Variants in RBM33 observed in about 807,000 individuals in gnomAD.
RBM33 encodes RNA-binding protein 33.
In RBM33, 28 loss-of-function variants were observed where a neutral mutation model predicts 132.6. The ratio of observed to expected loss-of-function variants is 0.21; its 90% CI spans 0.16 to 0.29. The LOEUF (loss-of-function observed/expected upper bound fraction) is 0.29, where lower values mean the gene tolerates loss of function less well. RBM33 is among the 10% of genes least tolerant of loss of function. RBM33 has a pLI of 1.00. For missense variants in RBM33, 1,291 were observed against 1,518.5 expected, an observed-to-expected ratio of 0.85 and a Z score of 2.49; for synonymous variants, 634 against 593.0, an observed-to-expected ratio of 1.07 and a Z score of -1.01.
chr7:155,706,789 C>T (rs1435829609), intron 6 of RBM33, 71 bp from the exon 7 acceptor site: 14 of 1,254,124 alleles, frequency 1.1e-5, no homozygotes, highest in Non-Finnish European at 1.6e-5. Flanking sequence ...ATCATTCTTT[C>T]CTGTTCTCTC....
At chr7:155,749,712 G>A (rs1279856769) in intron 14 of RBM33, among the ~76,000 whole-genome samples, 1 of 152,238 alleles carries the variant, frequency 6.6e-6, no homozygotes, top group Non-Finnish European at 1.5e-5. Flanking sequence ...AACGCAGCCT[G>A]GATGGTAAGT....
At chr7:155,701,580 T>C (rs773628089) in intron 6 of RBM33, 2 of 152,330 alleles carry the variant, frequency 1.3e-5, no homozygotes, top group Admixed American at 6.5e-5. Context: ...GATTCCAAAT[T>C]TGAGTGAGCG....
intron 16 of RBM33, among the ~76,000 whole-genome samples, chr7:155,773,751 C>T (rs1232879358): frequency 6.6e-6 from 1 of 152,022 alleles, no homozygotes; most frequent in African/African-American, 2.4e-5. Context: ...TCTCCTCCTG[C>T]CTGCCCCTCC....
At chr7:155,725,472 C>T (rs1378030066) in intron 9 of RBM33, among the ~76,000 whole-genome samples, 1 of 152,000 alleles carries the variant, frequency 6.6e-6, no homozygotes, top group African/African-American at 2.4e-5. Context: ...GTGCTTTCTC[C>T]TTAAATATGA....
At chr7:155,707,621 A>G (rs920562341) in intron 7 of RBM33, among the ~76,000 whole-genome samples, 5 of 152,172 alleles carry the variant, frequency 3.3e-5, no homozygotes, top group African/African-American at 1.2e-4. Flanking sequence ...GAGATGGCAC[A>G]TCTCAGAAAC....
intron 14 of RBM33, among the ~76,000 whole-genome samples, chr7:155,757,578 A>C (rs1801892820): frequency 6.6e-6 from 1 of 152,182 alleles, no homozygotes; most frequent in Non-Finnish European, 1.5e-5. Flanking sequence ...TTTTGGAGCC[A>C]CAAAGATGTT....
intron 1 of RBM33, among the ~76,000 whole-genome samples, chr7:155,653,802 T>C (rs1375894292): frequency 6.6e-6 from 1 of 152,140 alleles, no homozygotes; most frequent in Non-Finnish European, 1.5e-5. Context: ...TGAATTGTTA[T>C]AGTAATAGCA....
Position 155,778,247 on chromosome 7 carries a change from T to C in RBM33, c.*3206T>C, listed in dbSNP as rs1802688874. 2 of 152,398 alleles carry C rather than the reference T, an allele frequency of 1.3e-5. No homozygotes were observed. The highest frequency in any genetic ancestry group is 4.1e-4 in the South Asian group (2 of 4,824). The allele number at this position is 152,398 out of a possible 1,614,324, so 9.4% of individuals were successfully genotyped here. On this transcript the variant is annotated 3_prime_UTR_variant, in exon 18 of 18. Coordinates refer to ENST00000401878, the MANE Select transcript of RBM33 (RefSeq NM_053043.3). The surrounding 1 kb of genome is among the most constrained non-coding windows in gnomAD (Gnocchi z 4.0). Reference sequence around the variant, plus strand: ...TCATTCTTAGCATGATTTGTAAAGGTCTCAGGCAAACAGTTGTTGAAGCTT... The same window carrying C: ...TCATTCTTAGCATGATTTGTAAAGGCCTCAGGCAAACAGTTGTTGAAGCTT...
chr7:155,692,472 G>A (rs1799672645), intron 5 of RBM33, among the ~76,000 whole-genome samples: 1 of 152,186 alleles, frequency 6.6e-6, no homozygotes, highest in Non-Finnish European at 1.5e-5. Flanking sequence ...GGACAGGTTT[G>A]CTTACTCCCC....
chr7:155,681,047 A>G (rs1449707988), intron 5 of RBM33, 139 bp downstream of exon 5: 1 of 679,420 alleles, frequency 1.5e-6, no homozygotes, highest in Non-Finnish European at 2.4e-6. Context: ...CAGTTTCTTT[A>G]TCTGAGCTAT....
Position 155,716,629 on chromosome 7 carries a change from G to A in RBM33, c.1202-1756G>A, listed in dbSNP as rs371395478. On this transcript the variant is annotated intron_variant, in intron 8 of 17. Transcript: ENST00000401878. ...AAAATCACGTCTTTACATTTAATAT[G>A]TAGTGTTTTTCTTTGTCACCTTCAT... 3.9e-5 allele frequency among the ~76,000 whole-genome samples: 6 copies of A among 152,076 alleles called. No homozygotes were observed. The East Asian group carries it at 5.8e-4, about 15-fold the overall frequency.
chr7:155,703,523 T>C (rs1800026568), intron 6 of RBM33, among the ~76,000 whole-genome samples: 1 of 152,206 alleles, frequency 6.6e-6, no homozygotes, highest in Non-Finnish European at 1.5e-5. Context: ...TAAAAGTACC[T>C]TTTTCTGTTC....
intron 9 of RBM33, among the ~76,000 whole-genome samples, chr7:155,720,159 T>C (rs571258708): frequency 5.9e-5 from 9 of 152,306 alleles, no homozygotes; most frequent in Admixed American, 2.0e-4. Flanking sequence ...AGATGGGAAG[T>C]ATGTGTGGGT....
intron 5 of RBM33, among the ~76,000 whole-genome samples, chr7:155,697,660 A>T (rs892162309): frequency 6.6e-6 from 1 of 152,070 alleles, no homozygotes; most frequent in African/African-American, 2.4e-5. Context: ...TAGAATATTG[A>T]ATTTTCTTTC....
intron 8 of RBM33, among the ~76,000 whole-genome samples, chr7:155,715,899 G>A (rs2116985717): frequency 6.6e-6 from 1 of 152,304 alleles, no homozygotes; most frequent in African/African-American, 2.4e-5. Flanking sequence ...AAAAAAGCTA[G>A]CAATATATAT....
chr7:155,673,683 TATATACACACATATATACATACAC>T, intron 3 of RBM33, among the ~76,000 whole-genome samples: 1 of 137,280 alleles, frequency 7.3e-6, no homozygotes, highest in Non-Finnish European at 1.5e-5. Flanking sequence ...CACGTGTATA[TATATACACACATATATACATACAC>T]ACGTGTATAT....
At chr7:155,725,037 TACA>T in intron 9 of RBM33, among the ~76,000 whole-genome samples, 2 of 146,352 alleles carry the variant, frequency 1.4e-5, no homozygotes, top group East Asian at 2.0e-4. Context: ...TGTGTGTGTG[TACA>T]GATTTTTTTT....
chr7:155,728,737 CAT>C (rs1800866140), intron 9 of RBM33, among the ~76,000 whole-genome samples: 4 of 152,162 alleles, frequency 2.6e-5, no homozygotes, highest in Non-Finnish European at 4.4e-5. Context: ...GATGATAAAA[CAT>C]ATGATTAGGG....
In RBM33 at chr7:155,772,238, G is replaced by A. The variant is rs1404994823; in HGVS notation, c.3376-2321G>A. ...CCGGAAGAACGGAGAGAACCCCGGAGGCACGGCTGCAGCAGCTCTAACCTA... is the reference window on the plus strand; with the variant it reads ...CCGGAAGAACGGAGAGAACCCCGGAAGCACGGCTGCAGCAGCTCTAACCTA... On this transcript the variant is annotated intron_variant, in intron 16 of 17. Coordinates refer to ENST00000401878, the MANE Select transcript of RBM33 (RefSeq NM_053043.3). Among the ~76,000 whole-genome samples the A allele has an allele frequency of 3.3e-5, 5 of 152,304 alleles. No individual in the cohort carries two copies. The East Asian group carries it at 7.7e-4, about 23-fold the overall frequency.
Sources: allele counts gnomAD v4.1 joint callset (sites outside exome capture counted in the v4.1 genomes callset), GRCh38; gene constraint gnomAD v4.1.1; non-coding constraint Gnocchi (gnomAD v3.1); transcripts MANE v1.5; gene names NCBI Gene and HGNC (gene_info 2026-07-23, HGNC 2026-07-21).